WNT8B: variants seen among roughly 807,000 people sequenced by gnomAD.
WNT8B encodes protein Wnt-8b.
A neutral mutation model predicts 36.6 loss-of-function variants in WNT8B; 24 were observed. The observed-to-expected ratio is 0.66, with a 90% CI of 0.48 to 0.92. The LOEUF is 0.92. WNT8B is among the 40% of genes least tolerant of loss of function. The pLI, the probability that WNT8B is intolerant of heterozygous loss-of-function variation, is 0.00. For missense variants in WNT8B, 402 were observed against 470.8 expected, an observed-to-expected ratio of 0.85 and a Z score of 1.35; for synonymous variants, 199 against 189.8, an observed-to-expected ratio of 1.05 and a Z score of -0.40.
At chr10:100,468,399 G>A (rs1850935001) in intron 1 of WNT8B, among the ~76,000 whole-genome samples, 1 of 152,146 alleles carries the variant, frequency 6.6e-6, no homozygotes, top group Non-Finnish European at 1.5e-5. Flanking sequence ...TATACTGCAG[G>A]GACCAAGGCA....
chr10:100,481,736 G>A (rs1316755631), intron 4 of WNT8B, among the ~76,000 whole-genome samples, 176 bp from the exon 5 acceptor site: 2 of 152,156 alleles, frequency 1.3e-5, no homozygotes, highest in Non-Finnish European at 2.9e-5. Flanking sequence ...GGAAGTGGGC[G>A]TGTAAAAGTG....
chr10:100,476,999 C>A (rs1225825276), intron 1 of WNT8B, among the ~76,000 whole-genome samples: 1 of 152,312 alleles, frequency 6.6e-6, no homozygotes, highest in Non-Finnish European at 1.5e-5. Context: ...GACATTTGGC[C>A]ATTCCCCCAA....
intron 1 of WNT8B, among the ~76,000 whole-genome samples, chr10:100,469,938 C>G (rs1850955301): frequency 1.3e-5 from 2 of 152,226 alleles, no homozygotes; most frequent in African/African-American, 4.8e-5. Context: ...GCTATAGCCC[C>G]TGGCAGTTTC....
rs193134120 is a variant in WNT8B at position 100,479,679 on chromosome 10, G to A, written c.103-195G>A. Reference sequence around the variant, plus strand: ...GGGAAATTACTTTAGCTCACTCCCTGGGCCTCAGTTTCCTAATCTATAATA... The same window carrying A: ...GGGAAATTACTTTAGCTCACTCCCTAGGCCTCAGTTTCCTAATCTATAATA... On this transcript the variant is annotated intron_variant, in intron 2 of 5. Coordinates refer to ENST00000343737, the MANE Select transcript of WNT8B (RefSeq NM_003393.4). 5.8e-3 allele frequency among the ~76,000 whole-genome samples: 886 copies of A among 152,192 alleles called. 33 individuals are homozygous for A. The highest frequency in any genetic ancestry group is 0.055 in the Admixed American group (837 of 15,274).
intron 1 of WNT8B, among the ~76,000 whole-genome samples, chr10:100,469,235 C>G (rs1442800547): frequency 6.6e-6 from 1 of 151,992 alleles, no homozygotes; most frequent in Non-Finnish European, 1.5e-5. Context: ...TTTTTTCTTT[C>G]AATGCCATCC....
At chr10:100,469,925 C>T (rs1469991457) in intron 1 of WNT8B, among the ~76,000 whole-genome samples, 1 of 152,200 alleles carries the variant, frequency 6.6e-6, no homozygotes, top group Non-Finnish European at 1.5e-5. Flanking sequence ...GGAGAACCTT[C>T]CAGCTATAGC....
chr10:100,476,302 T>TA (rs58454870), intron 1 of WNT8B, among the ~76,000 whole-genome samples: 39 of 146,712 alleles, frequency 2.7e-4, no homozygotes, highest in Middle Eastern at 3.5e-3. Context: ...AGACTCCGTC[T>TA]AAAAAAAAAA....
At chr10:100,472,602 T>G (rs769355208) in intron 1 of WNT8B, among the ~76,000 whole-genome samples, 1 of 152,216 alleles carries the variant, frequency 6.6e-6, no homozygotes, top group Non-Finnish European at 1.5e-5. Context: ...TATTATTACA[T>G]GATATGATTA....
intron 1 of WNT8B, among the ~76,000 whole-genome samples, chr10:100,475,468 C>T (rs1413298058): frequency 1.3e-5 from 2 of 152,294 alleles, no homozygotes; most frequent in East Asian, 3.9e-4. Flanking sequence ...AAGTCTCATT[C>T]ATTGATCAGT....
intron 1 of WNT8B, among the ~76,000 whole-genome samples, chr10:100,467,460 C>G (rs985181386): frequency 8.5e-5 from 13 of 152,182 alleles, no homozygotes; most frequent in Admixed American, 8.5e-4. Context: ...AGATGAAATT[C>G]TTATACTCTC....
intron 1 of WNT8B, among the ~76,000 whole-genome samples, chr10:100,474,239 T>C (rs1037952886): frequency 1.3e-5 from 2 of 152,184 alleles, no homozygotes; most frequent in African/African-American, 4.8e-5. Context: ...TACAACCTCA[T>C]GGGAAATGGG....
chr10:100,477,299 ATTTAT>A (rs918930787), intron 1 of WNT8B, among the ~76,000 whole-genome samples: 12 of 151,230 alleles, frequency 7.9e-5, no homozygotes, highest in Non-Finnish European at 1.5e-4. Context: ...TCATTTATTT[ATTTAT>A]TTTATTTTAT....
intron 1 of WNT8B, among the ~76,000 whole-genome samples, chr10:100,473,418 T>C (rs1851000313): frequency 6.6e-6 from 1 of 152,180 alleles, no homozygotes; most frequent in South Asian, 2.1e-4. Flanking sequence ...CTTTATTTAT[T>C]AGCATTCACT....
In WNT8B at chr10:100,482,659, A is replaced by G; in HGVS notation, c.899A>G (p.Glu300Gly). The G allele has an allele frequency of 6.2e-7, 1 of 1,607,112 alleles. No individual in the cohort carries two copies. The highest frequency in any genetic ancestry group is 8.5e-7 in the Non-Finnish European group (1 of 1,178,734). The change falls in exon 6 of 6, where the codon GAG becomes GGG. Residue 300 changes from glutamate (E) to glycine (G), a missense_variant. Transcript: ENST00000343737. This position sits in a 1 kb window ranked among gnomAD's most constrained non-coding sequence, Gnocchi z 6.6. ...GGGGACTGCGGGCTGGCGGTGGAGGAGCGCCGGGCCGAGACCGTGTCCAGC... is the reference window on the plus strand; with the variant it reads ...GGGGACTGCGGGCTGGCGGTGGAGGGGCGCCGGGCCGAGACCGTGTCCAGC... ...LCGDCGLAVE[E>G]RRAETVSSCN...
At chr10:100,480,952 A>G (rs1050491069) in intron 3 of WNT8B, 46 bp from the exon 4 acceptor site, 3 of 1,603,470 alleles carry the variant, frequency 1.9e-6, no homozygotes, top group African/African-American at 1.3e-5. Context: ...GTATTTCTTT[A>G]AGCTGAAACC....
intron 1 of WNT8B, among the ~76,000 whole-genome samples, chr10:100,473,223 C>T (rs2133653776): frequency 6.6e-6 from 1 of 152,268 alleles, no homozygotes; most frequent in South Asian, 2.1e-4. Flanking sequence ...CTGGTTGTGG[C>T]TTCTGCACTG....
intron 1 of WNT8B, among the ~76,000 whole-genome samples, chr10:100,471,520 T>A (rs1850977614): frequency 1.3e-5 from 2 of 152,252 alleles, no homozygotes; most frequent in African/African-American, 4.8e-5. Context: ...GATAATTAAC[T>A]GAGTGTATTC....
intron 1 of WNT8B, among the ~76,000 whole-genome samples, chr10:100,474,053 C>T (rs1008048465): frequency 3.3e-5 from 5 of 152,116 alleles, no homozygotes; most frequent in Non-Finnish European, 5.9e-5. Context: ...ATCAGGAGTT[C>T]AGTTTTGGAC....
At position 100,482,951 on chromosome 10, in the gene WNT8B, C is replaced by CCCT; in HGVS notation, c.*136_*137insCTC. The CCCT allele has an allele frequency of 9.8e-7, 1 of 1,020,710 alleles. No individual in the cohort carries two copies. Among genetic ancestry groups the CCCT allele is most frequent in the Non-Finnish European group, 1.4e-6 (1 of 733,834 alleles). The allele number at this position is 1,020,710 out of a possible 1,614,324, so 63.2% of individuals were successfully genotyped here. A position where few individuals can be genotyped will look rare whatever the true frequency, so the allele number is the denominator to read the frequency against. On this transcript the variant is annotated 3_prime_UTR_variant, in exon 6 of 6. Transcript: ENST00000343737. This position sits in a 1 kb window ranked among gnomAD's most constrained non-coding sequence, Gnocchi z 6.6. ...CTGAGAGGGAGAGACTGCAATTTCT[C>CCCT]CAAAGCTTGCCACTTTCCAGCCTGT...
Sources: allele counts gnomAD v4.1 joint callset (sites outside exome capture counted in the v4.1 genomes callset), GRCh38; gene constraint gnomAD v4.1.1; non-coding constraint Gnocchi (gnomAD v3.1); transcripts MANE v1.5; gene names NCBI Gene and HGNC (gene_info 2026-07-23, HGNC 2026-07-21).